KIAA0319L: variants seen among roughly 807,000 people sequenced by gnomAD.
KIAA0319L encodes dyslexia-associated protein KIAA0319-like protein.
In KIAA0319L, 55 loss-of-function variants were observed where a neutral mutation model predicts 120.1. That is an observed-to-expected ratio of 0.46 (90% CI 0.37 to 0.57). The LOEUF (loss-of-function observed/expected upper bound fraction) is 0.57. Among genes scored for constraint, KIAA0319L ranks in the 20% least tolerant of loss-of-function variants. KIAA0319L has a pLI of 0.00. For synonymous variants in KIAA0319L, 398 were observed against 471.9 expected (o/e 0.84, Z 2.03); for missense variants, 1,049 against 1,255.3 (o/e 0.84, Z 2.48).
intron 5 of KIAA0319L, among the ~76,000 whole-genome samples, chr1:35,471,496 T>C (rs1424682970): frequency 2.6e-5 from 4 of 152,136 alleles, no homozygotes; most frequent in Non-Finnish European, 5.9e-5. Flanking sequence ...CAGAAGATGG[T>C]AGGAGATGGC....
chr1:35,450,434 T>C lies in KIAA0319L; in HGVS notation c.2138A>G (p.Asp713Gly), dbSNP rs1448511777. The change falls in exon 14 of 21, where the codon GAT (aspartate) becomes GGT (glycine). Residue 713 changes from aspartate (D) to glycine (G), a missense_variant. Asp to Gly is a moderately conservative substitution (Grantham distance 94, BLOSUM62 -1). Coordinates refer to ENST00000325722, the MANE Select transcript of KIAA0319L (RefSeq NM_024874.5). The part of the protein sequence containing the change: ...ITLPTSTAEL[D>G]GSKSSDDKGI... The stretch of plus-strand genomic sequence containing the variant: ...CTTGTCATCTGAGGACTTAGAGCCA[T>C]CCAGCTCTGCTGTGCTCGTGGGTAG... 3.7e-6 allele frequency: 6 copies of C among 1,613,868 alleles called. No individual in the cohort carries two copies. The highest frequency in any genetic ancestry group is 4.2e-6 in the Non-Finnish European group (5 of 1,179,728).
At chr1:35,546,248 A>G (rs1455862374) in intron 2 of KIAA0319L, among the ~76,000 whole-genome samples, 1 of 152,230 alleles carries the variant, frequency 6.6e-6, no homozygotes, top group African/African-American at 2.4e-5. Context: ...GGGAAAAATA[A>G]TAAGAAAGTG....
At chr1:35,481,823 T>C (rs1249736384) in intron 3 of KIAA0319L, among the ~76,000 whole-genome samples, 1 of 124,980 alleles carries the variant, frequency 8.0e-6, no homozygotes, top group African/African-American at 3.0e-5. Flanking sequence ...TCTTTTTTTT[T>C]TTTTTTTTTT....
chr1:35,474,125 G>A (rs1248412323), intron 5 of KIAA0319L, among the ~76,000 whole-genome samples: 3 of 152,092 alleles, frequency 2.0e-5, no homozygotes, highest in South Asian at 2.1e-4. Flanking sequence ...TATGGGAAAC[G>A]ATGGTCCTTA....
rs553349353 is a variant in KIAA0319L at position 35,491,790 on chromosome 1, A to G, written c.667-12578T>C. ...CAGAGCAAGAGACAAGAAGACACAA[A>G]TGATCAATATGAAGAATGAGAGAGA... On this transcript the variant is annotated intron_variant, in intron 3 of 20. Transcript: ENST00000325722. Among the ~76,000 whole-genome samples the G allele has an allele frequency of 2.2e-4, 33 of 152,302 alleles. 1 individual carries two copies. The highest frequency in any genetic ancestry group is 1.8e-3 in the Admixed American group (27 of 15,298).
rs1558446830 is a variant in KIAA0319L, at chr1:35,486,373, C to CAAGA, written c.667-7165_667-7162dup. Among the ~76,000 whole-genome samples the CAAGA allele has an allele frequency of 8.6e-4, 44 of 51,354 alleles. 5 individuals carry two copies. In the East Asian group the frequency reaches 0.012, roughly 14 times the overall value. The allele number at this position is 51,354 out of a possible 152,430, so 33.7% of individuals were successfully genotyped here. A position where few individuals can be genotyped will look rare whatever the true frequency, so the allele number is the denominator to read the frequency against. ...TGGATGACAGAGTAAGACCCTGTCTCAAGAAAAAAAAAAAAAAAAAAAAAA... is the reference window on the plus strand; with the variant it reads ...TGGATGACAGAGTAAGACCCTGTCTCAAGAAAGAAAAAAAAAAAAAAAAAAAAAA... On this transcript the variant is annotated intron_variant, in intron 3 of 20. Coordinates refer to ENST00000325722, the MANE Select transcript of KIAA0319L (RefSeq NM_024874.5).
chr1:35,454,735 A>C (rs1476710790), intron 10 of KIAA0319L: 43 of 793,030 alleles, frequency 5.4e-5, no homozygotes, highest in Middle Eastern at 4.3e-4. Context: ...CAGAACTCTC[A>C]TAAGAGAGGG....
At chr1:35,439,880 C>T (rs1641073998) in intron 20 of KIAA0319L, 1 of 152,178 alleles carries the variant, frequency 6.6e-6, no homozygotes, top group Admixed American at 6.5e-5. Context: ...AGAAAGATTC[C>T]AGAAAAGCAA....
chr1:35,445,881 G>A (rs1212051571), intron 16 of KIAA0319L, among the ~76,000 whole-genome samples: 1 of 152,206 alleles, frequency 6.6e-6, no homozygotes, highest in African/African-American at 2.4e-5. Context: ...CCTATGCAGT[G>A]CTGGTGAATC....
intron 20 of KIAA0319L, chr1:35,438,449 A>G (rs1271184629): frequency 6.7e-6 from 1 of 150,094 alleles, no homozygotes; most frequent in African/African-American, 2.5e-5. Context: ...CCCCAAGGAC[A>G]TTCTATCTAA....
chr1:35,482,430 CTTT>C (rs777518171), intron 3 of KIAA0319L, among the ~76,000 whole-genome samples: 1 of 134,294 alleles, frequency 7.4e-6, no homozygotes, highest in African/African-American at 2.7e-5. Flanking sequence ...ATCTACAGGT[CTTT>C]TTTTTTTTTT....
chr1:35,448,608 C>T (rs1052259224), intron 15 of KIAA0319L, among the ~76,000 whole-genome samples: 1 of 152,078 alleles, frequency 6.6e-6, no homozygotes, highest in African/African-American at 2.4e-5. Context: ...GGAGTAATGA[C>T]GGGAGTGGGG....
At chr1:35,444,717 CT>C (rs1228711938) in intron 16 of KIAA0319L, among the ~76,000 whole-genome samples, 32 of 152,336 alleles carry the variant, frequency 2.1e-4, no homozygotes, top group Non-Finnish European at 4.1e-4. Flanking sequence ...TGCTGTCCAC[CT>C]TTTTCCAGCT....
chr1:35,445,345 T>C (rs1641540997), intron 16 of KIAA0319L, among the ~76,000 whole-genome samples: 1 of 152,246 alleles, frequency 6.6e-6, no homozygotes, highest in South Asian at 2.1e-4. Flanking sequence ...ATAAAGGATG[T>C]GTGGTCCGTT....
intron 6 of KIAA0319L, among the ~76,000 whole-genome samples, chr1:35,470,508 A>G (rs1046192919): frequency 2.6e-4 from 39 of 151,560 alleles, no homozygotes; most frequent in South Asian, 1.2e-3. Flanking sequence ...AAAAAAAAAA[A>G]AAAAAAGAAA....
At chr1:35,464,870 G>A (rs1283760517) in intron 7 of KIAA0319L, among the ~76,000 whole-genome samples, 1 of 152,250 alleles carries the variant, frequency 6.6e-6, no homozygotes, top group Non-Finnish European at 1.5e-5. Context: ...GTAGAGCTCA[G>A]GCTGTGGCTT....
At chr1:35,499,262 G>C (rs1490039919) in intron 3 of KIAA0319L, among the ~76,000 whole-genome samples, 1 of 151,280 alleles carries the variant, frequency 6.6e-6, no homozygotes, top group Non-Finnish European at 1.5e-5. Flanking sequence ...TTCGTATGTT[G>C]AAATCTAGCT....
chr1:35,451,050 T>C (rs1642022709), intron 13 of KIAA0319L, among the ~76,000 whole-genome samples: 2 of 152,216 alleles, frequency 1.3e-5, no homozygotes, highest in African/African-American at 4.8e-5. Context: ...CTTGGTATCT[T>C]ATGTCTGGAG....
intron 2 of KIAA0319L, among the ~76,000 whole-genome samples, chr1:35,552,551 T>C (rs540938184): frequency 6.6e-4 from 100 of 152,228 alleles, no homozygotes; most frequent in African/African-American, 1.3e-3. Context: ...AACTATCTAT[T>C]TTTGGGTTAT....
Sources: gnomAD v4.1 joint callset for allele counts (sites outside exome capture counted in the v4.1 genomes callset) on GRCh38, gnomAD v4.1.1 for gene constraint, MANE v1.5 for transcripts, NCBI Gene and HGNC (gene_info 2026-07-23, HGNC 2026-07-21) for gene names.